TANC2: variants seen among roughly 807,000 people sequenced by gnomAD.
TANC2 encodes the protein tetratricopeptide repeat, ankyrin repeat and coiled-coil containing 2, also known as protein TANC2.
In TANC2, 26 loss-of-function variants were observed where a neutral mutation model predicts 210.5. That is an observed-to-expected ratio of 0.12 (90% CI 0.09 to 0.17). TANC2 has a LOEUF of 0.17. Ranked by LOEUF, TANC2 falls within the 10% of genes least tolerant of loss-of-function variation. The probability of loss-of-function intolerance (pLI) is 1.00; values close to 1 mark genes in which losing one functional copy is unlikely to be tolerated. For synonymous variants in TANC2, 931 were observed against 967.1 expected (o/e 0.96, Z 0.69); for missense variants, 2,129 against 2,608.9 (o/e 0.82, Z 4.01).
At chr17:63,265,816 TG>T (rs1202586184) in intron 8 of TANC2, among the ~76,000 whole-genome samples, 13 of 152,044 alleles carry the variant, frequency 8.6e-5, no homozygotes, top group Non-Finnish European at 8.8e-5. Flanking sequence ...GTTTTTTTTT[TG>T]TTTCCCTTTA....
intron 2 of TANC2, among the ~76,000 whole-genome samples, chr17:63,042,113 CT>C: frequency 6.6e-6 from 1 of 152,120 alleles, no homozygotes; most frequent in Non-Finnish European, 1.5e-5. Context: ...ATATTCAACC[CT>C]TCTGTGCGTT....
chr17:63,143,910 T>C (rs545073868), intron 4 of TANC2, among the ~76,000 whole-genome samples: 2 of 152,270 alleles, frequency 1.3e-5, no homozygotes, highest in South Asian at 4.1e-4. Context: ...CCTGGCACTT[T>C]GGGAGGCTGA....
intron 5 of TANC2, among the ~76,000 whole-genome samples, chr17:63,183,686 A>G (rs1042155523): frequency 3.9e-5 from 6 of 152,180 alleles, no homozygotes; most frequent in African/African-American, 1.4e-4. Flanking sequence ...AATTTAAGTA[A>G]ATCTGGTAAA....
chr17:63,048,935 C>T (rs1598312973), intron 2 of TANC2, among the ~76,000 whole-genome samples: 1 of 152,268 alleles, frequency 6.6e-6, no homozygotes, highest in East Asian at 1.9e-4. Context: ...CTCACAGGTA[C>T]ATCTAAACCT....
chr17:63,284,866 T>A (rs1008425547), intron 9 of TANC2, among the ~76,000 whole-genome samples: 1 of 152,172 alleles, frequency 6.6e-6, no homozygotes, highest in African/African-American at 2.4e-5. Flanking sequence ...TGTGGATTTC[T>A]GTATTATTCC....
At chr17:63,019,322 A>G (rs932333000) in intron 2 of TANC2, among the ~76,000 whole-genome samples, 2 of 149,652 alleles carry the variant, frequency 1.3e-5, no homozygotes, top group Admixed American at 1.3e-4. Flanking sequence ...GGTTCAAACA[A>G]TTCTTATGCC....
At chr17:63,200,696 G>T (rs1054478351) in intron 6 of TANC2, 75 bp from the exon 7 acceptor site, 1 of 1,297,694 alleles carries the variant, frequency 7.7e-7, no homozygotes, top group Admixed American at 2.3e-5. Flanking sequence ...TTTCATCAAA[G>T]CATTTATTTT....
intron 4 of TANC2, among the ~76,000 whole-genome samples, chr17:63,126,927 T>G (rs2038733089): frequency 1.3e-5 from 2 of 152,216 alleles, no homozygotes; most frequent in Admixed American, 1.3e-4. Flanking sequence ...ATGCTGATTT[T>G]GACCTGTTTT....
At chr17:63,178,418 C>T (rs2040667190) in intron 5 of TANC2, among the ~76,000 whole-genome samples, 1 of 152,108 alleles carries the variant, frequency 6.6e-6, no homozygotes, top group South Asian at 2.1e-4. Context: ...GGCATTGATT[C>T]TCACAGCTAG....
intron 7 of TANC2, among the ~76,000 whole-genome samples, chr17:63,207,227 T>A (rs1227271311): frequency 6.9e-6 from 1 of 144,632 alleles, no homozygotes; most frequent in Non-Finnish European, 1.5e-5. Flanking sequence ...TTTTTTTTTT[T>A]TTTTTTGAGA....
chr17:63,366,809 G>C (rs1381345936), intron 14 of TANC2, among the ~76,000 whole-genome samples: 1 of 152,156 alleles, frequency 6.6e-6, no homozygotes, highest in African/African-American at 2.4e-5. Context: ...TTTGAATTCA[G>C]CTTCCATGAG....
rs765243268 is a variant in TANC2, at chr17:63,331,856, C to CTGTGTG, written c.1576-8215_1576-8210dup. 360 of 153,320 alleles carry CTGTGTG rather than the reference C, an allele frequency of 2.3e-3. 2 individuals carry two copies. Among genetic ancestry groups the CTGTGTG allele is most frequent in the African/African-American group, 3.6e-3 (141 of 39,208 alleles). The allele number at this position is 153,320 out of a possible 1,614,324, so 9.5% of individuals were successfully genotyped here. The stretch of plus-strand genomic sequence containing the variant: ...TAAGAGTGTGTGTGTGTGTGTGTGT[C>CTGTGTG]TGTGTGTGTGTGTGTGTGTGTGTGT... On this transcript the variant is annotated intron_variant, in intron 11 of 27. Transcript: ENST00000689528.
intron 7 of TANC2, among the ~76,000 whole-genome samples, chr17:63,234,484 T>C (rs2042566092): frequency 6.6e-6 from 1 of 152,344 alleles, no homozygotes; most frequent in East Asian, 1.9e-4. Flanking sequence ...TGTTAATGTC[T>C]GCAGTGTCCT....
chr17:63,006,247 A>G (rs988246449), intron 1 of TANC2, among the ~76,000 whole-genome samples: 1 of 151,372 alleles, frequency 6.6e-6, no homozygotes, highest in Non-Finnish European at 1.5e-5. Context: ...TCTGTTTTGC[A>G]TTTGTTTTCT....
intron 8 of TANC2, among the ~76,000 whole-genome samples, chr17:63,260,610 CCCTGTCTCTACA>C (rs1028286742): frequency 1.3e-5 from 2 of 152,008 alleles, no homozygotes; most frequent in Non-Finnish European, 1.5e-5. Context: ...CACAGCGAAA[CCCTGTCTCTACA>C]AAAAATTAGC....
At chr17:63,371,265 G>A (rs1398329054) in intron 14 of TANC2, among the ~76,000 whole-genome samples, 1 of 152,048 alleles carries the variant, frequency 6.6e-6, no homozygotes, top group Non-Finnish European at 1.5e-5. Context: ...AGGAGTTCAA[G>A]ACCAGCCTGG....
At chr17:63,319,238 C>T in intron 11 of TANC2, 148 bp downstream of exon 11, 1 of 868,454 alleles carries the variant, frequency 1.2e-6, no homozygotes. Context: ...TTTGATATTC[C>T]TAGAAAAATA....
chr17:63,013,761 TTA>T (rs1491194219), intron 2 of TANC2, among the ~76,000 whole-genome samples: 12 of 85,812 alleles, frequency 1.4e-4, no homozygotes, highest in East Asian at 3.4e-4. Flanking sequence ...GACCCTGTCT[TTA>T]AAAAAAAAAA....
rs1252715857 is a variant in TANC2, at chr17:63,331,168, G to T, written c.1576-8933G>T. ...TAGAAAATATGGTTTTTAAACACAT[G>T]CATAATATTCTACCACATGATGCAT... On this transcript the variant is annotated intron_variant, in intron 11 of 27. Transcript: ENST00000689528. Among the ~76,000 whole-genome samples the T allele has an allele frequency of 2.0e-5, 3 of 152,196 alleles. No individual in the cohort carries two copies. In the East Asian group the frequency reaches 5.8e-4, roughly 29 times the overall value.
Sources: allele counts gnomAD v4.1 joint callset (sites outside exome capture counted in the v4.1 genomes callset), GRCh38; gene constraint gnomAD v4.1.1; transcripts MANE v1.5; gene names NCBI Gene and HGNC (gene_info 2026-07-23, HGNC 2026-07-21).